The following VPS13B variants were observed in gnomAD, a reference collection of about 807,000 sequenced individuals.
The protein encoded by VPS13B is intermembrane lipid transfer protein VPS13B.
In VPS13B, 285 loss-of-function variants were observed where a neutral mutation model predicts 426.4. The ratio of observed to expected loss-of-function variants is 0.67; its 90% CI spans 0.61 to 0.74. The LOEUF is 0.74. Among genes scored for constraint, VPS13B ranks in the 30% least tolerant of loss-of-function variants. VPS13B has a pLI of 0.00. For synonymous variants in VPS13B, 1,676 were observed against 1,676.4 expected, an observed-to-expected ratio of 1.00 and a Z score of 0.01; for missense variants, 4,537 against 4,782.6, an observed-to-expected ratio of 0.95 and a Z score of 1.51.
chr8:99,312,090 G>A (rs1821018390), intron 19 of VPS13B, among the ~76,000 whole-genome samples: 1 of 152,160 alleles, frequency 6.6e-6, no homozygotes, highest in South Asian at 2.1e-4. Flanking sequence ...TGGGTCTCCT[G>A]AATACAGCAC....
At chr8:99,741,779 G>C (rs1452601853) in intron 39 of VPS13B, among the ~76,000 whole-genome samples, 1 of 152,130 alleles carries the variant, frequency 6.6e-6, no homozygotes, top group Non-Finnish European at 1.5e-5. Context: ...AAACCAATGA[G>C]AACAAAGACA....
At chr8:99,697,053 A>G in intron 35 of VPS13B, 1 of 551,918 alleles carries the variant, frequency 1.8e-6, no homozygotes, top group East Asian at 3.6e-5. Context: ...CACCTGCATC[A>G]GGAGATTCCC....
chr8:99,742,452 A>G (rs1267100480), intron 39 of VPS13B, among the ~76,000 whole-genome samples: 3 of 152,258 alleles, frequency 2.0e-5, no homozygotes, highest in African/African-American at 7.2e-5. Context: ...AGAAAAACAG[A>G]GGATCCTCCC....
intron 20 of VPS13B, among the ~76,000 whole-genome samples, chr8:99,389,064 G>T (rs1359916564): frequency 6.6e-6 from 1 of 151,966 alleles, no homozygotes; most frequent in Admixed American, 6.6e-5. Context: ...CAGGAGAATC[G>T]CTTGAACCCG....
chr8:99,587,191 A>G (rs186672995), intron 33 of VPS13B, among the ~76,000 whole-genome samples: 1 of 152,306 alleles, frequency 6.6e-6, no homozygotes, highest in Non-Finnish European at 1.5e-5. Context: ...CATGGTGTAT[A>G]TATGCCACAT....
intron 31 of VPS13B, among the ~76,000 whole-genome samples, chr8:99,559,777 G>C (rs1273930645): frequency 6.6e-6 from 1 of 152,026 alleles, no homozygotes; most frequent in East Asian, 1.9e-4. Flanking sequence ...TCTCTGTTTT[G>C]GTACCAGTAC....
intron 43 of VPS13B, chr8:99,796,898 G>A (rs1220511745): frequency 2.0e-5 from 3 of 152,196 alleles, no homozygotes; most frequent in Non-Finnish European, 4.4e-5. Context: ...AGACTCCAAG[G>A]CCTATTGAAC....
chr8:99,830,125 C>G (rs1814958652), intron 51 of VPS13B, among the ~76,000 whole-genome samples: 1 of 152,242 alleles, frequency 6.6e-6, no homozygotes, highest in South Asian at 2.1e-4. Context: ...AGCTTCAGCA[C>G]TGTGCTGGGA....
chr8:99,622,195 G>T (rs1349155437), intron 33 of VPS13B, among the ~76,000 whole-genome samples: 1 of 152,100 alleles, frequency 6.6e-6, no homozygotes, highest in Non-Finnish European at 1.5e-5. Flanking sequence ...TACAATCCAT[G>T]AAATTTTTTC....
At chr8:99,568,023 C>T (rs1057344085) in intron 31 of VPS13B, among the ~76,000 whole-genome samples, 1 of 152,026 alleles carries the variant, frequency 6.6e-6, no homozygotes, top group East Asian at 1.9e-4. Flanking sequence ...TCAAATACAC[C>T]TGGAGTGTTT....
chr8:99,224,765 A>G (rs1267329179), intron 17 of VPS13B, among the ~76,000 whole-genome samples: 1 of 152,100 alleles, frequency 6.6e-6, no homozygotes, highest in Non-Finnish European at 1.5e-5. Flanking sequence ...TATGTTTACC[A>G]TTTTATGTTA....
At chr8:99,793,978 GGGTGCAGT>G (rs1381021487) in intron 43 of VPS13B, among the ~76,000 whole-genome samples, 2 of 152,184 alleles carry the variant, frequency 1.3e-5, no homozygotes, top group Non-Finnish European at 2.9e-5. Flanking sequence ...CAGCTTGGCT[GGGTGCAGT>G]GGTGCTTCAC....
chr8:99,695,547 G>T (rs1438250292), intron 35 of VPS13B, among the ~76,000 whole-genome samples: 2 of 109,294 alleles, frequency 1.8e-5, no homozygotes, highest in African/African-American at 3.5e-5. Context: ...GGGGACTGTG[G>T]TGGGGTGGGG....
At chr8:99,691,103 G>A (rs757235383) in intron 35 of VPS13B, among the ~76,000 whole-genome samples, 8 of 152,178 alleles carry the variant, frequency 5.3e-5, no homozygotes, top group South Asian at 4.1e-4. Context: ...GAAGGAAACC[G>A]GGTACAAAAA....
At chr8:99,826,537 C>T (rs182844574) in intron 51 of VPS13B, among the ~76,000 whole-genome samples, 76 of 152,228 alleles carry the variant, frequency 5.0e-4, no homozygotes, top group African/African-American at 1.3e-3. Context: ...TGACTTCCTC[C>T]CTTCCTATTT....
intron 19 of VPS13B, among the ~76,000 whole-genome samples, chr8:99,315,343 T>G (rs2133112416): frequency 6.6e-6 from 1 of 152,176 alleles, no homozygotes; most frequent in South Asian, 2.1e-4. Context: ...CTCTCTTTTT[T>G]TTTTTTTAAC....
intron 15 of VPS13B, among the ~76,000 whole-genome samples, chr8:99,157,066 T>C (rs1811402655): frequency 6.6e-6 from 1 of 152,198 alleles, no homozygotes; most frequent in African/African-American, 2.4e-5. Context: ...TATGGATGCT[T>C]TGAAGACTCA....
intron 8 of VPS13B, among the ~76,000 whole-genome samples, chr8:99,123,330 A>G (rs1848043440): frequency 6.6e-6 from 1 of 152,128 alleles, no homozygotes; most frequent in Non-Finnish European, 1.5e-5. Context: ...ACAAATGTAA[A>G]GGCACCAGAG....
chr8:99,875,340 T>A, intron 61 of VPS13B, 78 bp from the exon 62 acceptor site: 1 of 1,593,172 alleles, frequency 6.3e-7, no homozygotes, highest in Non-Finnish European at 8.6e-7. Context: ...TACAAATATA[T>A]CGAGGCAAAA....
Sources: gnomAD v4.1 joint callset for allele counts (sites outside exome capture counted in the v4.1 genomes callset) on GRCh38, gnomAD v4.1.1 for gene constraint, MANE v1.5 for transcripts, NCBI Gene and HGNC (gene_info 2026-07-23, HGNC 2026-07-21) for gene names.